The following KIFAP3 variants were observed in gnomAD, a reference collection of about 807,000 sequenced individuals.
KIFAP3 encodes kinesin-associated protein 3.
A neutral mutation model predicts 106.5 loss-of-function variants in KIFAP3; 68 were observed. The observed-to-expected ratio is 0.64, with a 90% CI of 0.53 to 0.78. The LOEUF is 0.78. KIFAP3 is among the 30% of genes least tolerant of loss of function. The pLI is 0.00. For missense variants in KIFAP3, 780 were observed against 941.8 expected, an observed-to-expected ratio of 0.83 and a Z score of 2.25; for synonymous variants, 320 against 311.5, an observed-to-expected ratio of 1.03 and a Z score of -0.29.
intron 19 of KIFAP3, among the ~76,000 whole-genome samples, chr1:169,945,306 G>A (rs1664380076): frequency 6.6e-6 from 1 of 152,178 alleles, no homozygotes; most frequent in Non-Finnish European, 1.5e-5. Context: ...AACCTGCAGG[G>A]GCAGGGGGCC....
chr1:169,965,375 C>T (rs1558202203), intron 17 of KIFAP3, among the ~76,000 whole-genome samples: 1 of 27,180 alleles, frequency 3.7e-5, no homozygotes, highest in Non-Finnish European at 6.0e-5. Context: ...CATATTCATT[C>T]CTGGTGTAAA....
At chr1:169,943,163 T>A (rs1047763423) in intron 19 of KIFAP3, among the ~76,000 whole-genome samples, 1 of 152,124 alleles carries the variant, frequency 6.6e-6, no homozygotes, top group African/African-American at 2.4e-5. Context: ...ATGGCTCATA[T>A]CTGAGGAGTA....
intron 18 of KIFAP3, among the ~76,000 whole-genome samples, chr1:169,957,039 A>G (rs565539477): frequency 6.6e-6 from 1 of 152,240 alleles, no homozygotes; most frequent in Admixed American, 6.5e-5. Flanking sequence ...AAATTCTGTT[A>G]AAGCCTCTCA....
chr1:170,044,237 C>T lies in KIFAP3; in HGVS notation c.319+2475G>A, dbSNP rs978166258. Among the ~76,000 whole-genome samples, 7 of 152,142 alleles carry T rather than the reference C, an allele frequency of 4.6e-5. No homozygotes were observed. In the South Asian group the frequency reaches 1.4e-3, roughly 31 times the overall value. ...TTATGAAAATGGATATTGTATCTGA[C>T]TAGGGGATGTTTCCTCTACCTAGTA... On this transcript the variant is annotated intron_variant, in intron 3 of 19. Transcript: ENST00000361580.
intron 6 of KIFAP3, among the ~76,000 whole-genome samples, chr1:170,034,987 C>G (rs2102052393): frequency 6.6e-6 from 1 of 151,944 alleles, no homozygotes; most frequent in South Asian, 2.1e-4. Flanking sequence ...CAGCAATTAT[C>G]TAGGAATTGG....
chr1:170,045,180 T>C (rs1305054978), intron 3 of KIFAP3, among the ~76,000 whole-genome samples: 1 of 152,142 alleles, frequency 6.6e-6, no homozygotes, highest in Non-Finnish European at 1.5e-5. Flanking sequence ...ACAGAGCCAA[T>C]AAAAGCACCT....
intron 1 of KIFAP3, among the ~76,000 whole-genome samples, chr1:170,069,513 C>T (rs1230884812): frequency 2.6e-5 from 4 of 151,870 alleles, no homozygotes; most frequent in East Asian, 1.9e-4. Context: ...AACATGGCCA[C>T]ATGGGCATTT....
intron 10 of KIFAP3, among the ~76,000 whole-genome samples, chr1:170,014,815 T>C (rs1310599560): frequency 6.6e-6 from 1 of 152,146 alleles, no homozygotes; most frequent in Non-Finnish European, 1.5e-5. Flanking sequence ...ATGATGTTGA[T>C]TAGAAAAATA....
intron 19 of KIFAP3, among the ~76,000 whole-genome samples, chr1:169,934,270 G>A (rs568346720): frequency 4.6e-5 from 7 of 152,196 alleles, no homozygotes; most frequent in East Asian, 3.9e-4. Flanking sequence ...AAATAATGCC[G>A]TGGCCAATCG....
intron 3 of KIFAP3, 123 bp downstream of exon 3, chr1:170,046,589 T>C: frequency 1.4e-6 from 1 of 719,218 alleles, no homozygotes; most frequent in Non-Finnish European, 2.2e-6. Flanking sequence ...ATAACACTGG[T>C]GAAAAAAACC....
intron 10 of KIFAP3, among the ~76,000 whole-genome samples, chr1:170,000,398 A>T (rs1667602711): frequency 6.6e-6 from 1 of 152,164 alleles, no homozygotes; most frequent in Admixed American, 6.6e-5. Flanking sequence ...CATTAAGGTG[A>T]TATATTACCC....
intron 10 of KIFAP3, among the ~76,000 whole-genome samples, chr1:170,005,585 T>TTCTCACCAAACTA (rs1356748111): frequency 1.3e-5 from 2 of 151,388 alleles, no homozygotes; most frequent in Non-Finnish European, 2.9e-5. Context: ...GAAACCATCA[T>TTCTCACCAAACTA]TCTCACCAAA....
intron 15 of KIFAP3, among the ~76,000 whole-genome samples, chr1:169,980,135 A>C (rs1213488194): frequency 6.6e-6 from 1 of 152,162 alleles, no homozygotes; most frequent in African/African-American, 2.4e-5. Flanking sequence ...AGGAGGGAGA[A>C]GAGGCACTTC....
chr1:170,074,663 A>G lies in KIFAP3; in HGVS notation c.-196T>C. 6.9e-7 allele frequency: 1 copy of G among 1,449,192 alleles called. No individual in the cohort carries two copies. The highest frequency in any genetic ancestry group is 1.4e-5 in the South Asian group (1 of 71,782). The allele number at this position is 1,449,192 out of a possible 1,614,324, so 89.8% of individuals were successfully genotyped here. On this transcript the variant is annotated 5_prime_UTR_variant, in exon 1 of 20. Transcript: ENST00000361580. ...TCCCACAGCTTCTGTGCCCCAAAACACTGGAGCGGCCCAGACCCGCCCAGA... is the reference window on the plus strand; with the variant it reads ...TCCCACAGCTTCTGTGCCCCAAAACGCTGGAGCGGCCCAGACCCGCCCAGA...
chr1:169,956,122 G>T (rs187886142), intron 18 of KIFAP3, among the ~76,000 whole-genome samples: 6 of 152,160 alleles, frequency 3.9e-5, no homozygotes, highest in African/African-American at 1.4e-4. Context: ...CGGAGTTTAA[G>T]AAACCTGCCA....
At chr1:169,949,986 T>C (rs192664112) in intron 19 of KIFAP3, among the ~76,000 whole-genome samples, 1 of 152,234 alleles carries the variant, frequency 6.6e-6, no homozygotes, top group East Asian at 1.9e-4. Flanking sequence ...CATTGCTATC[T>C]TACAAAAATG....
At chr1:169,988,045 C>T (rs1666920554) in intron 11 of KIFAP3, among the ~76,000 whole-genome samples, 1 of 151,478 alleles carries the variant, frequency 6.6e-6, no homozygotes, top group Admixed American at 6.6e-5. Context: ...AACAGTGATA[C>T]AATAGGGTAA....
intron 15 of KIFAP3, among the ~76,000 whole-genome samples, chr1:169,981,639 GGC>G (rs1370943652): frequency 2.0e-5 from 3 of 152,098 alleles, no homozygotes; most frequent in Non-Finnish European, 4.4e-5. Flanking sequence ...TGTAGTTTCA[GGC>G]ATCTGCTGGG....
At chr1:169,952,556 T>A (rs1664783563) in intron 19 of KIFAP3, among the ~76,000 whole-genome samples, 1 of 152,012 alleles carries the variant, frequency 6.6e-6, no homozygotes. Context: ...TGGGTTGTGA[T>A]CAAAAAAGCT....
Sources: allele counts gnomAD v4.1 joint callset (sites outside exome capture counted in the v4.1 genomes callset), GRCh38; gene constraint gnomAD v4.1.1; transcripts MANE v1.5; gene names NCBI Gene and HGNC (gene_info 2026-07-23, HGNC 2026-07-21).